Variants in NCAM1 observed in about 807,000 individuals in gnomAD.
NCAM1 encodes the protein neural cell adhesion molecule 1, also known as antigen recognized by monoclonal antibody 5.1H11.
In NCAM1, 14 loss-of-function variants were observed where a neutral mutation model predicts 109.8. The ratio of observed to expected loss-of-function variants is 0.13; its 90% CI spans 0.08 to 0.20. The LOEUF (loss-of-function observed/expected upper bound fraction) is 0.20. Ranked by LOEUF, NCAM1 falls within the 10% of genes least tolerant of loss-of-function variation. NCAM1 has a pLI of 1.00. For missense variants in NCAM1, 774 were observed against 1,109.9 expected, an observed-to-expected ratio of 0.70 and a Z score of 4.30; for synonymous variants, 418 against 442.9, an observed-to-expected ratio of 0.94 and a Z score of 0.70.
At chr11:113,149,783 A>G (rs1942159427) in intron 1 of NCAM1, among the ~76,000 whole-genome samples, 1 of 152,230 alleles carries the variant, frequency 6.6e-6, no homozygotes. Flanking sequence ...AACAAACTGA[A>G]TTACTATTTA....
chr11:113,212,478 C>T (rs1195534355), intron 7 of NCAM1, among the ~76,000 whole-genome samples: 2 of 152,136 alleles, frequency 1.3e-5, no homozygotes, highest in African/African-American at 2.4e-5. Context: ...TGTTAACCTT[C>T]GGCTGCCATG....
At chr11:113,079,470 A>T (rs1261874) in intron 1 of NCAM1, among the ~76,000 whole-genome samples, 80,704 of 151,976 alleles carry the variant, frequency 0.53, 22,170 homozygotes, top group Middle Eastern at 0.58. Context: ...GTATGTCCCA[A>T]TACTTATATC....
intron 1 of NCAM1, among the ~76,000 whole-genome samples, chr11:113,188,081 A>C (rs1483589950): frequency 2.6e-5 from 4 of 152,118 alleles, no homozygotes; most frequent in African/African-American, 9.7e-5. Flanking sequence ...GGTGTGGAGG[A>C]CTTCTGTCTG....
rs1484763738 is a variant in NCAM1 at position 113,231,753 on chromosome 11, A to G, written c.1198A>G (p.Thr400Ala). Residue 400 changes from threonine to alanine, a missense_variant, in exon 10 of 20, where the codon ACC becomes GCC. By Grantham distance (58) the Thr-to-Ala change is moderately conservative. Coordinates refer to ENST00000316851, the MANE Select transcript of NCAM1 (RefSeq NM_181351.5). Reference sequence around the variant, plus strand: ...AGAGTACATCTGCACCGCCAGCAACACCATCGGCCAGGACTCCCAGTCCAT... The same window carrying G: ...AGAGTACATCTGCACCGCCAGCAACGCCATCGGCCAGGACTCCCAGTCCAT... The part of the protein sequence containing the change: ...AGEYICTASN[T>A]IGQDSQSMYL... The G allele has an allele frequency of 6.2e-7, 1 of 1,613,878 alleles. No individual in the cohort carries two copies. The highest frequency in any genetic ancestry group is 1.7e-5 in the Admixed American group (1 of 60,012).
At chr11:113,108,777 T>A (rs1555093030) in intron 1 of NCAM1, among the ~76,000 whole-genome samples, 1 of 134,360 alleles carries the variant, frequency 7.4e-6, no homozygotes, top group Non-Finnish European at 1.6e-5. Flanking sequence ...GAAGGTTTTT[T>A]TTTGTTTTTT....
Position 112,962,779 on chromosome 11 carries a change from A to G in NCAM1, c.52+1115A>G, listed in dbSNP as rs1227705987. 2.0e-5 allele frequency among the ~76,000 whole-genome samples: 3 copies of G among 151,716 alleles called. No individual in the cohort carries two copies. The highest frequency in any genetic ancestry group is 7.3e-5 in the African/African-American group (3 of 41,326). ...GCTGTCATCCCCCCACCTCCACCCA[A>G]GGATTTGCGCTTTGGCTCTGATGGA... On this transcript the variant is annotated intron_variant, in intron 1 of 19. Transcript: ENST00000316851. The surrounding 1 kb of genome is among the most constrained non-coding windows in gnomAD (Gnocchi z 5.6).
intron 15 of NCAM1, among the ~76,000 whole-genome samples, chr11:113,249,229 C>T (rs1472901981): frequency 1.3e-5 from 2 of 152,224 alleles, no homozygotes; most frequent in African/African-American, 4.8e-5. Flanking sequence ...ACCCCTTCCA[C>T]TCCCTCCTTT....
chr11:113,173,524 T>A (rs1302998473), intron 1 of NCAM1, among the ~76,000 whole-genome samples: 1 of 149,992 alleles, frequency 6.7e-6, no homozygotes, highest in East Asian at 2.0e-4. Context: ...TCCAGAGATG[T>A]TTTTCAGGCT....
At chr11:113,111,142 G>A (rs1210149603) in intron 1 of NCAM1, among the ~76,000 whole-genome samples, 1 of 152,222 alleles carries the variant, frequency 6.6e-6, no homozygotes, top group Middle Eastern at 3.4e-3. Context: ...TTCAAGGTTT[G>A]GGTGAAGTAA....
chr11:113,210,036 C>G (rs1591420940), intron 7 of NCAM1, among the ~76,000 whole-genome samples: 1 of 152,074 alleles, frequency 6.6e-6, no homozygotes, highest in South Asian at 2.1e-4. Flanking sequence ...AGATAGATCC[C>G]CAGCACCCAC....
chr11:113,072,163 T>C (rs1292137640), intron 1 of NCAM1, among the ~76,000 whole-genome samples: 2 of 152,114 alleles, frequency 1.3e-5, no homozygotes, highest in Non-Finnish European at 1.5e-5. Context: ...TTATTGATAA[T>C]TGGTCATTAA....
At position 113,020,832 on chromosome 11, in the gene NCAM1, T is replaced by C. The variant is rs376749093; in HGVS notation, c.52+59168T>C. ...GTGCAGTGGCGTGATTTCGGCTCAC[T>C]GCAACCTCCGTCTCCCAGGTTCCAA... On this transcript the variant is annotated intron_variant, in intron 1 of 19. Coordinates refer to ENST00000316851, the MANE Select transcript of NCAM1 (RefSeq NM_181351.5). 3.3e-4 allele frequency among the ~76,000 whole-genome samples: 50 copies of C among 152,234 alleles called. No homozygotes were observed. In the South Asian group the frequency reaches 9.8e-3, roughly 30 times the overall value.
intron 1 of NCAM1, among the ~76,000 whole-genome samples, chr11:113,063,907 A>G (rs1565413984): frequency 1.3e-5 from 2 of 152,206 alleles, no homozygotes. Flanking sequence ...CACAGAAAGG[A>G]GAATCTGTAT....
intron 1 of NCAM1, among the ~76,000 whole-genome samples, chr11:113,121,016 A>G (rs1417320363): frequency 6.6e-6 from 1 of 152,106 alleles, no homozygotes; most frequent in Non-Finnish European, 1.5e-5. Flanking sequence ...ATGAGTTTTC[A>G]TCTTTCCTGG....
intron 5 of NCAM1, 22 bp from the exon 6 acceptor site, chr11:113,207,239 A>G (rs782491247): frequency 3.7e-6 from 6 of 1,604,054 alleles, no homozygotes; most frequent in Non-Finnish European, 5.1e-6. Flanking sequence ...CAACCACCCC[A>G]TGACACCCTT....
intron 1 of NCAM1, among the ~76,000 whole-genome samples, chr11:113,148,107 T>C (rs1942086071): frequency 6.6e-6 from 1 of 152,198 alleles, no homozygotes; most frequent in Admixed American, 6.5e-5. Context: ...TCTCCCCTCC[T>C]TTCACTTTCC....
At chr11:113,239,752 A>G (rs1300714969) in intron 14 of NCAM1, among the ~76,000 whole-genome samples, 2 of 152,210 alleles carry the variant, frequency 1.3e-5, no homozygotes, top group African/African-American at 4.8e-5. Flanking sequence ...GACCTGAATT[A>G]ACCAGACCAT....
chr11:113,183,585 T>C (rs1468244270), intron 1 of NCAM1, among the ~76,000 whole-genome samples: 2 of 152,208 alleles, frequency 1.3e-5, no homozygotes, highest in Non-Finnish European at 2.9e-5. Context: ...CTTCTTGGTG[T>C]GATTTTTTTT....
At chr11:113,091,137 C>CCA (rs1939325258) in intron 1 of NCAM1, among the ~76,000 whole-genome samples, 1 of 152,120 alleles carries the variant, frequency 6.6e-6, no homozygotes, top group South Asian at 2.1e-4. Flanking sequence ...CTCTCCCCCG[C>CCA]CACACACACT....
Sources: allele counts gnomAD v4.1 joint callset (sites outside exome capture counted in the v4.1 genomes callset), GRCh38; gene constraint gnomAD v4.1.1; non-coding constraint Gnocchi (gnomAD v3.1); transcripts MANE v1.5; gene names NCBI Gene and HGNC (gene_info 2026-07-23, HGNC 2026-07-21).